The following TAFA5 variants were observed in gnomAD, a reference collection of about 807,000 sequenced individuals.
The protein encoded by TAFA5 is chemokine-like protein TAFA-5.
Under a neutral mutation model 15.3 loss-of-function variants are expected in TAFA5, and 6 were observed. That is an observed-to-expected ratio of 0.39 (90% confidence interval 0.21 to 0.77). The LOEUF (loss-of-function observed/expected upper bound fraction) is 0.77. Ranked by LOEUF, TAFA5 falls within the 30% of genes least tolerant of loss-of-function variation. The pLI is 0.41. For synonymous variants in TAFA5, 103 were observed against 80.7 expected (o/e 1.28, Z -1.48); for missense variants, 161 against 193.1 (o/e 0.83, Z 0.98).
intron 3 of TAFA5, among the ~76,000 whole-genome samples, chr22:48,722,859 CAGTG>C (rs1482040788): frequency 1.3e-5 from 2 of 152,194 alleles, no homozygotes; most frequent in Non-Finnish European, 1.5e-5. Context: ...TCCATCCTAA[CAGTG>C]AGCATATGTA....
intron 1 of TAFA5, among the ~76,000 whole-genome samples, chr22:48,609,933 C>A (rs1925337540): frequency 6.6e-6 from 1 of 152,208 alleles, no homozygotes; most frequent in Non-Finnish European, 1.5e-5. Context: ...GTGAGGTCAC[C>A]AGTCATATTG....
rs180719940 is a variant in TAFA5, at chr22:48,599,550, G to C, written c.113-47047G>C. Among the ~76,000 whole-genome samples the C allele has an allele frequency of 9.8e-5, 15 of 152,354 alleles. No homozygotes were observed. In the East Asian group the frequency reaches 2.9e-3, roughly 29 times the overall value. ...AGAGCGTGACTGCAGGGCAGAACCA[G>C]CATCCCTCACAAGCCAGGGAGTGGA... On this transcript the variant is annotated intron_variant, in intron 1 of 3. Coordinates refer to ENST00000402357, the MANE Select transcript of TAFA5 (RefSeq NM_001082967.3).
rs779665587 is a variant in TAFA5 at position 48,751,059 on chromosome 22, C to T, written c.*1212C>T. On this transcript the variant is annotated 3_prime_UTR_variant, in exon 4 of 4. Transcript: ENST00000402357. ...CGTGGCGTCGGCGTCCCGGATGTGT[C>T]GGTCGTGCCCGGGGAGGCCGGGTTC... 3 of 152,322 alleles carry T rather than the reference C, an allele frequency of 2.0e-5. No homozygotes were observed. The highest frequency in any genetic ancestry group is 4.8e-5 in the African/African-American group (2 of 41,468). 9.4% of individuals were successfully genotyped at this position (152,322 alleles called of 1,614,324 possible). A position where few individuals can be genotyped will look rare whatever the true frequency, so the allele number is the denominator to read the frequency against.
At chr22:48,540,924 C>T (rs1327666957) in intron 1 of TAFA5, among the ~76,000 whole-genome samples, 2 of 151,568 alleles carry the variant, frequency 1.3e-5, no homozygotes, top group Non-Finnish European at 2.9e-5. Flanking sequence ...TAGAAGCCGG[C>T]CAGGTAACAC....
At chr22:48,616,488 C>T (rs1221334305) in intron 1 of TAFA5, among the ~76,000 whole-genome samples, 1 of 152,200 alleles carries the variant, frequency 6.6e-6, no homozygotes, top group Non-Finnish European at 1.5e-5. Flanking sequence ...TCTAATGCGT[C>T]ACCCGCCCAT....
intron 1 of TAFA5, among the ~76,000 whole-genome samples, chr22:48,623,096 CA>C (rs1925896873): frequency 6.6e-6 from 1 of 152,256 alleles, no homozygotes; most frequent in Admixed American, 6.5e-5. Context: ...CTGTGGGCTG[CA>C]GGGGGTGGCG....
intron 1 of TAFA5, among the ~76,000 whole-genome samples, chr22:48,558,143 G>T (rs1440189707): frequency 6.6e-6 from 1 of 152,170 alleles, no homozygotes; most frequent in Admixed American, 6.5e-5. Context: ...CCGGGCCTGT[G>T]CCAGTTCATT....
chr22:48,721,329 G>A (rs946362126), intron 3 of TAFA5, among the ~76,000 whole-genome samples: 8 of 152,124 alleles, frequency 5.3e-5, no homozygotes, highest in Non-Finnish European at 8.8e-5. Context: ...CACTGCCTTC[G>A]TCCCGCCCGC....
chr22:48,575,608 C>G (rs1923745917), intron 1 of TAFA5, among the ~76,000 whole-genome samples: 1 of 146,252 alleles, frequency 6.8e-6, no homozygotes, highest in South Asian at 2.1e-4. Context: ...CCACCGGCAC[C>G]GGCACCGACA....
At position 48,574,037 on chromosome 22, in the gene TAFA5, A is replaced by C. The variant is rs576563046; in HGVS notation, c.113-72560A>C. On this transcript the variant is annotated intron_variant, in intron 1 of 3. Transcript: ENST00000402357. ...TGCTGGAGGTCAGGCTCTGCGAGCCAGGCAGGGTGGGTTCCTGAGGAGCTG... is the reference window on the plus strand; with the variant it reads ...TGCTGGAGGTCAGGCTCTGCGAGCCCGGCAGGGTGGGTTCCTGAGGAGCTG... Among the ~76,000 whole-genome samples, 4 of 152,362 alleles carry C rather than the reference A, an allele frequency of 2.6e-5. No individual in the cohort carries two copies. In the East Asian group the frequency reaches 7.7e-4, roughly 29 times the overall value.
chr22:48,623,002 C>T (rs1032306503), intron 1 of TAFA5, among the ~76,000 whole-genome samples: 15 of 152,262 alleles, frequency 9.9e-5, no homozygotes, highest in Non-Finnish European at 1.8e-4. Context: ...TTTTCCTCCC[C>T]AGAAGCTCTT....
intron 1 of TAFA5, among the ~76,000 whole-genome samples, chr22:48,528,189 C>G (rs542260012): frequency 1.3e-5 from 2 of 152,210 alleles, no homozygotes; most frequent in Non-Finnish European, 2.9e-5. Context: ...GCCGGAAACC[C>G]GTGAATCAGG....
At chr22:48,694,344 G>T (rs957455832) in intron 2 of TAFA5, among the ~76,000 whole-genome samples, 2 of 152,208 alleles carry the variant, frequency 1.3e-5, no homozygotes, top group African/African-American at 4.8e-5. Flanking sequence ...ACGTAGAAAT[G>T]ACTGTGTGGC....
intron 1 of TAFA5, among the ~76,000 whole-genome samples, chr22:48,514,683 G>A (rs556132642): frequency 1.5e-4 from 23 of 152,304 alleles, no homozygotes; most frequent in Admixed American, 9.1e-4. Flanking sequence ...GAGACCCACC[G>A]TCCTAGACTA....
At chr22:48,717,787 G>A (rs7291946) in intron 3 of TAFA5, among the ~76,000 whole-genome samples, 3 of 152,198 alleles carry the variant, frequency 2.0e-5, no homozygotes, top group African/African-American at 7.2e-5. Flanking sequence ...TCTGAGGGGG[G>A]TGATGGCCCA....
chr22:48,651,190 C>G (rs775492180), intron 2 of TAFA5, among the ~76,000 whole-genome samples: 2 of 152,198 alleles, frequency 1.3e-5, no homozygotes, highest in Non-Finnish European at 2.9e-5. Context: ...GGTTTGTGAG[C>G]GGAACTGCCC....
chr22:48,533,503 C>T (rs1413515763), intron 1 of TAFA5, among the ~76,000 whole-genome samples: 1 of 152,178 alleles, frequency 6.6e-6, no homozygotes, highest in Non-Finnish European at 1.5e-5. Flanking sequence ...AGGGCCTTGC[C>T]CATCAGAGAT....
intron 2 of TAFA5, among the ~76,000 whole-genome samples, chr22:48,657,427 A>C (rs1045642314): frequency 2.6e-5 from 4 of 152,234 alleles, no homozygotes; most frequent in African/African-American, 9.6e-5. Flanking sequence ...AGATGGCTTC[A>C]CTGGTGAATT....
intron 2 of TAFA5, among the ~76,000 whole-genome samples, chr22:48,689,534 G>A (rs924499582): frequency 6.6e-6 from 1 of 152,212 alleles, no homozygotes; most frequent in Non-Finnish European, 1.5e-5. Flanking sequence ...AGTCCTCTGG[G>A]TGGAGACAAA....
Sources: allele counts gnomAD v4.1 joint callset (sites outside exome capture counted in the v4.1 genomes callset), GRCh38; gene constraint gnomAD v4.1.1; transcripts MANE v1.5; gene names NCBI Gene and HGNC (gene_info 2026-07-23, HGNC 2026-07-21).